LGSN: variants seen among roughly 807,000 people sequenced by gnomAD.
The protein encoded by LGSN is lengsin.
A neutral mutation model predicts 19.5 loss-of-function variants in LGSN; 21 were observed. That is an observed-to-expected ratio of 1.07 (90% CI 0.76 to 1.55). The LOEUF (loss-of-function observed/expected upper bound fraction) is 1.55, where lower values mean the gene tolerates loss of function less well. LGSN is among the 40% of genes most tolerant of loss of function. The pLI is 0.00. For missense variants in LGSN, 673 were observed against 608.5 expected, an observed-to-expected ratio of 1.11 and a Z score of -1.12; for synonymous variants, 257 against 215.6, an observed-to-expected ratio of 1.19 and a Z score of -1.68.
At chr6:63,479,646 A>G in the LGSN span, among the ~76,000 whole-genome samples, 3 of 152,182 alleles carry the variant, frequency 2.0e-5, no homozygotes, top group Admixed American at 6.5e-5. Context: ...AGGCTGAGGC[A>G]GGAGAATGGC....
At chr6:63,505,649 TTTTTG>T in the LGSN span, among the ~76,000 whole-genome samples, 51 of 103,998 alleles carry the variant, frequency 4.9e-4, 5 homozygotes, top group Admixed American at 1.7e-3. Flanking sequence ...CTGGCATTCT[TTTTTG>T]TTTTGTTTTG....
chr6:63,303,893 C>T (rs1487880358), intron 1 of LGSN, among the ~76,000 whole-genome samples: 2 of 152,052 alleles, frequency 1.3e-5, no homozygotes, highest in African/African-American at 4.8e-5. Flanking sequence ...TAAAGCTAAC[C>T]AGAGAACTTT....
the LGSN span, among the ~76,000 whole-genome samples, chr6:63,351,416 T>A: frequency 9.4e-5 from 14 of 148,334 alleles, no homozygotes; most frequent in South Asian, 4.3e-4. Context: ...TCTGTGTGTG[T>A]GAGAGAGAGA....
the LGSN span, among the ~76,000 whole-genome samples, chr6:63,438,376 C>T: frequency 5.3e-5 from 8 of 152,162 alleles, no homozygotes; most frequent in African/African-American, 1.9e-4. Flanking sequence ...AACTAAAGAG[C>T]TTCTGCACAG....
intron 1 of LGSN, among the ~76,000 whole-genome samples, chr6:63,309,777 G>T (rs1042568264): frequency 6.6e-6 from 1 of 152,174 alleles, no homozygotes; most frequent in African/African-American, 2.4e-5. Context: ...TAGCCACAAT[G>T]CTGTGTATTA....
chr6:63,490,006 C>A, the LGSN span, among the ~76,000 whole-genome samples: 1 of 152,038 alleles, frequency 6.6e-6, no homozygotes, highest in Non-Finnish European at 1.5e-5. Context: ...CTGCACCTGG[C>A]GCCTGTATTT....
At chr6:63,533,237 C>T in the LGSN span, among the ~76,000 whole-genome samples, 1 of 152,058 alleles carries the variant, frequency 6.6e-6, no homozygotes, top group African/African-American at 2.4e-5. Flanking sequence ...CAAAAATTAG[C>T]CAGATGTGGT....
the LGSN span, among the ~76,000 whole-genome samples, chr6:63,404,846 G>C: frequency 6.6e-6 from 1 of 151,638 alleles, no homozygotes; most frequent in Non-Finnish European, 1.5e-5. Flanking sequence ...GGGTACATGT[G>C]CACAATGTGC....
chr6:63,361,476 T>G, the LGSN span, among the ~76,000 whole-genome samples: 1 of 152,332 alleles, frequency 6.6e-6, no homozygotes, highest in Admixed American at 6.5e-5. Flanking sequence ...TATAATCTCC[T>G]GGTGTGCCAT....
chr6:63,380,273 T>A, the LGSN span, among the ~76,000 whole-genome samples: 1 of 152,242 alleles, frequency 6.6e-6, no homozygotes, highest in Non-Finnish European at 1.5e-5. Context: ...AGACCTTGTC[T>A]TCCTCCTGTT....
chr6:63,356,889 G>C, the LGSN span, among the ~76,000 whole-genome samples: 1 of 151,908 alleles, frequency 6.6e-6, no homozygotes, highest in Non-Finnish European at 1.5e-5. Flanking sequence ...GTGCAGGTTT[G>C]TTACATATAT....
chr6:63,425,743 A>G, the LGSN span, among the ~76,000 whole-genome samples: 74,291 of 151,744 alleles, frequency 0.49, 19,046 homozygotes, highest in Non-Finnish European at 0.54. Flanking sequence ...AGGCTGGGGC[A>G]GGAGGATTGC....
the LGSN span, among the ~76,000 whole-genome samples, chr6:63,458,611 T>C: frequency 6.6e-6 from 1 of 152,154 alleles, no homozygotes; most frequent in Non-Finnish European, 1.5e-5. Flanking sequence ...GTGTGAAAGT[T>C]ACCCAAACAT....
At chr6:63,416,222 CA>C in the LGSN span, among the ~76,000 whole-genome samples, 1 of 151,520 alleles carries the variant, frequency 6.6e-6, no homozygotes, top group Non-Finnish European at 1.5e-5. Flanking sequence ...GCTACTGTCT[CA>C]AATGCTCCTA....
chr6:63,319,513 G>A (rs541870635), intron 1 of LGSN, among the ~76,000 whole-genome samples: 8 of 152,230 alleles, frequency 5.3e-5, no homozygotes, highest in African/African-American at 1.9e-4. Context: ...TTTGAAAACA[G>A]GTTTCCACCT....
At chr6:63,445,797 G>A in the LGSN span, among the ~76,000 whole-genome samples, 2 of 152,078 alleles carry the variant, frequency 1.3e-5, no homozygotes, top group Admixed American at 6.6e-5. Context: ...TGCCAACTGT[G>A]TTCTTCTTTC....
the LGSN span, among the ~76,000 whole-genome samples, chr6:63,490,700 A>T: frequency 7.9e-5 from 12 of 152,014 alleles, no homozygotes; most frequent in African/African-American, 2.7e-4. Context: ...CAGTCTCCCA[A>T]GTAGCTGGGA....
the LGSN span, among the ~76,000 whole-genome samples, chr6:63,557,438 C>T: frequency 3.6e-4 from 54 of 152,066 alleles, no homozygotes; most frequent in African/African-American, 1.3e-3. Context: ...AGTGTGCGTG[C>T]CTGTAATCCC....
chr6:63,426,086 GA>G, the LGSN span, among the ~76,000 whole-genome samples: 7 of 152,050 alleles, frequency 4.6e-5, no homozygotes, highest in African/African-American at 1.7e-4. Context: ...ACAATTCTCA[GA>G]AACTTGACAT....
Sources: gnomAD v4.1 joint callset for allele counts (sites outside exome capture counted in the v4.1 genomes callset) on GRCh38, gnomAD v4.1.1 for gene constraint, MANE v1.5 for transcripts, NCBI Gene and HGNC (gene_info 2026-07-23, HGNC 2026-07-21) for gene names.